LRP1: variants seen among roughly 807,000 people sequenced by gnomAD.
The protein encoded by LRP1 is LDL receptor related protein 1, also known as prolow-density lipoprotein receptor-related protein 1.
Under a neutral mutation model 541.5 loss-of-function variants are expected in LRP1, and 51 were observed. That is an observed-to-expected ratio of 0.09 (90% confidence interval 0.08 to 0.12). The LOEUF is 0.12. Ranked by LOEUF, LRP1 falls within the 10% of genes least tolerant of loss-of-function variation. The probability of loss-of-function intolerance (pLI) is 1.00; values close to 1 mark genes in which losing one functional copy is unlikely to be tolerated. For synonymous variants in LRP1, 2,219 were observed against 2,470.8 expected (o/e 0.90, Z 3.02); for missense variants, 3,878 against 6,376.2 (o/e 0.61, Z 13.34).
rs375922490 is a variant in LRP1, at chr12:57,197,211, G to A, written c.9076+46G>A. On this transcript the variant is annotated intron_variant, in intron 56 of 88. Transcript: ENST00000243077. This position sits in a 1 kb window ranked among gnomAD's most constrained non-coding sequence, Gnocchi z 4.5. ...GCATGAGGTGACCCAGGCTGTGTGGGACTGCCCGGGTGGCAGAGCTCCAGA... is the reference window on the plus strand; with the variant it reads ...GCATGAGGTGACCCAGGCTGTGTGGAACTGCCCGGGTGGCAGAGCTCCAGA... 11 of 1,613,022 alleles carry A rather than the reference G, an allele frequency of 6.8e-6. No individual in the cohort carries two copies. The highest frequency in any genetic ancestry group is 9.3e-6 in the Non-Finnish European group (11 of 1,179,210).
In LRP1 at chr12:57,178,240, T is replaced by A; in HGVS notation, c.4362-119T>A. On this transcript the variant is annotated intron_variant, in intron 26 of 88. Transcript: ENST00000243077. The surrounding 1 kb of genome is among the most constrained non-coding windows in gnomAD (Gnocchi z 5.8). ...GGCCAGCAAGGCTTAGGGGAGGGAA[T>A]GGTCCCATGCTCTTCGCTGGGAGGG... 8.4e-7 allele frequency: 1 copy of A among 1,193,818 alleles called. No individual in the cohort carries two copies. The highest frequency in any genetic ancestry group is 1.5e-5 in the South Asian group (1 of 68,018). The allele number at this position is 1,193,818 out of a possible 1,614,324, so 74.0% of individuals were successfully genotyped here. A position where few individuals can be genotyped will look rare whatever the true frequency, so the allele number is the denominator to read the frequency against.
At chr12:57,166,863 T>A (rs2035850353) in intron 17 of LRP1, 67 bp from the exon 18 acceptor site, 1 of 826,652 alleles carries the variant, frequency 1.2e-6, no homozygotes, top group Admixed American at 1.9e-5. Flanking sequence ...CAGAGAATAA[T>A]AGGGAAGAAG....
intron 42 of LRP1, among the ~76,000 whole-genome samples, chr12:57,187,939 T>C (rs534679664): frequency 2.6e-5 from 4 of 152,270 alleles, no homozygotes; most frequent in African/African-American, 9.6e-5. Flanking sequence ...AGGCAGTAGA[T>C]TGGCCCAGAG....
In LRP1 at chr12:57,193,640, G is replaced by A. The variant is rs140788492; in HGVS notation, c.7759G>A (p.Gly2587Arg). The A allele has an allele frequency of 2.0e-5, 32 of 1,614,156 alleles. No individual in the cohort carries two copies. Among genetic ancestry groups the A allele is most frequent in the African/African-American group, 9.3e-5 (7 of 75,044 alleles). ...RCVSNMLWCN[G>R]ADDCGDGSDE... The stretch of plus-strand genomic sequence containing the variant: ...TGTGTCCAACATGCTGTGGTGCAAC[G>A]GGGCCGACGACTGTGGGGATGGCTC... The change falls in exon 47 of 89, where the codon GGG becomes AGG. Residue 2587 changes from glycine (G) to arginine (R), a missense_variant. Physicochemically the swap from Gly to Arg is moderately radical, Grantham distance 125. Coordinates refer to ENST00000243077, the MANE Select transcript of LRP1 (RefSeq NM_002332.3).
Position 57,173,740 on chromosome 12 carries a change from G to A in LRP1, c.3347-40G>A, listed in dbSNP as rs1264559261. 5 of 1,607,000 alleles carry A rather than the reference G, an allele frequency of 3.1e-6. No individual in the cohort carries two copies. Among genetic ancestry groups the A allele is most frequent in the African/African-American group, 1.3e-5 (1 of 74,788 alleles). On this transcript the variant is annotated intron_variant, in intron 21 of 88. Transcript: ENST00000243077. The surrounding 1 kb of genome is among the most constrained non-coding windows in gnomAD (Gnocchi z 4.7). ...GGAAGGAAGGGCAGGGGGAGCCCCA[G>A]TCCCCGGGCCTGGGCCCTCATAGTG...
rs753321543 is a variant in LRP1 at position 57,203,461 on chromosome 12, C to T, written c.10891C>T (p.Arg3631Cys). ...KSGHCIPLRW[R>C]CDADADCMDG... ...CGGCCACTGCATCCCCCTGCGCTGG[C>T]GCTGTGACGCAGACGCCGACTGCAT... Residue 3631 changes from arginine to cysteine, a missense_variant, in exon 70 of 89, where the codon CGC becomes TGC. Transcript: ENST00000243077. 2 of 1,596,384 alleles carry T rather than the reference C, an allele frequency of 1.3e-6. No homozygotes were observed. The highest frequency in any genetic ancestry group is 1.3e-5 in the African/African-American group (1 of 74,644).
Position 57,212,717 on chromosome 12 carries a change from G to A in LRP1, c.*162G>A, listed in dbSNP as rs2036945723. 7 of 762,800 alleles carry A rather than the reference G, an allele frequency of 9.2e-6. No individual in the cohort carries two copies. The highest frequency in any genetic ancestry group is 3.8e-5 in the South Asian group (2 of 52,678). 47.3% of individuals were successfully genotyped at this position (762,800 alleles called of 1,614,324 possible). A position where few individuals can be genotyped will look rare whatever the true frequency, so the allele number is the denominator to read the frequency against. ...TATGTGAGCGAGCAAGCCGGCAAGC[G>A]AGCACAGTATTATTTCTCCATCCCC... On this transcript the variant is annotated 3_prime_UTR_variant, in exon 89 of 89. Coordinates refer to ENST00000243077, the MANE Select transcript of LRP1 (RefSeq NM_002332.3). This position sits in a 1 kb window ranked among gnomAD's most constrained non-coding sequence, Gnocchi z 5.0.
chr12:57,209,005 C>T (rs761379948), intron 78 of LRP1, 78 bp from the exon 79 acceptor site: 9 of 1,260,096 alleles, frequency 7.1e-6, no homozygotes, highest in South Asian at 3.7e-5. Context: ...GGAGCTGTCC[C>T]GGGCATGGAG....
chr12:57,180,583 C>A, intron 32 of LRP1, 84 bp from the exon 33 acceptor site: 1 of 1,607,412 alleles, frequency 6.2e-7, no homozygotes, highest in Non-Finnish European at 8.5e-7. Flanking sequence ...GTGGGGCGGG[C>A]CTGATGACTT....
intron 80 of LRP1, 61 bp from the exon 81 acceptor site, chr12:57,209,968 G>A (rs1830783917): frequency 1.3e-6 from 2 of 1,583,740 alleles, no homozygotes; most frequent in Admixed American, 3.4e-5. Context: ...GTCACCCTGG[G>A]CTCACAGGGC....
intron 3 of LRP1, 36 bp from the exon 4 acceptor site, chr12:57,143,643 G>T (rs1181296131): frequency 8.1e-6 from 13 of 1,595,246 alleles, no homozygotes; most frequent in African/African-American, 4.0e-5. Flanking sequence ...GCCAGATCTG[G>T]CGGCCTGAAT....
Position 57,179,749 on chromosome 12 carries a change from A to G in LRP1, c.4967-33A>G, listed in dbSNP as rs774590803. ...CCTCCTGACCCACTGCCCTGCAGAC[A>G]CCCAACAACTGACTCCCTACTTGTG... On this transcript the variant is annotated intron_variant, in intron 29 of 88. Coordinates refer to ENST00000243077, the MANE Select transcript of LRP1 (RefSeq NM_002332.3). The surrounding 1 kb of genome is among the most constrained non-coding windows in gnomAD (Gnocchi z 6.8). The G allele has an allele frequency of 3.6e-5, 58 of 1,604,376 alleles. No individual in the cohort carries two copies. Among genetic ancestry groups the G allele is most frequent in the Non-Finnish European group, 4.8e-5 (56 of 1,173,632 alleles).
rs376207975 is a variant in LRP1 at position 57,209,197 on chromosome 12, G to A, written c.12260G>A (p.Arg4087Gln). 9.9e-6 allele frequency: 16 copies of A among 1,612,982 alleles called. No homozygotes were observed. The African/African-American group carries it at 1.1e-4, about 11-fold the overall frequency. The change falls in exon 79 of 89, where the codon CGA becomes CAA. Residue 4087 changes from arginine to glutamine, a missense_variant and splice_region_variant. Physicochemically the swap from Arg to Gln is conservative, Grantham distance 43. Around this residue, in one of 13 missense-constraint regions of LRP1, gnomAD observed 871 missense variants for 1,212.4 expected, o/e 0.72. Coordinates refer to ENST00000243077, the MANE Select transcript of LRP1 (RefSeq NM_002332.3). ...CCCATTGTGGCTGCTGACAGCAAAC[G>A]AGGTCAGAGCCCGGCATAAGTCGCA... ...TDPIVAADSK[R>Q]GLSHPFSIDV...
At chr12:57,169,924 T>G (rs1389071937) in intron 20 of LRP1, among the ~76,000 whole-genome samples, 2 of 152,200 alleles carry the variant, frequency 1.3e-5, no homozygotes, top group African/African-American at 4.8e-5. Context: ...TGTGCAGATT[T>G]TTATGTGAAA....
Position 57,212,602 on chromosome 12 carries a change from C to T in LRP1, c.*47C>T, listed in dbSNP as rs763864940. On this transcript the variant is annotated 3_prime_UTR_variant, in exon 89 of 89. Coordinates refer to ENST00000243077, the MANE Select transcript of LRP1 (RefSeq NM_002332.3). The surrounding 1 kb of genome is among the most constrained non-coding windows in gnomAD (Gnocchi z 5.0). ...CCCCAGAAAGCCTCCTGCCCCCTGC[C>T]AGTGAAGTCCTTCAGTGAGCCCCTC... is the stretch of plus-strand genomic sequence containing the variant. 76 of 1,531,578 alleles carry T rather than the reference C, an allele frequency of 5.0e-5. No homozygotes were observed. Among genetic ancestry groups the T allele is most frequent in the Middle Eastern group, 1.9e-4 (1 of 5,386 alleles). The allele number at this position is 1,531,578 out of a possible 1,614,324, so 94.9% of individuals were successfully genotyped here.
chr12:57,163,126 A>T, intron 15 of LRP1, 143 bp downstream of exon 15: 9 of 1,188,244 alleles, frequency 7.6e-6, no homozygotes, highest in Non-Finnish European at 9.1e-6. Context: ...GAAGCAAGGG[A>T]GGGGGAGAGC....
Position 57,185,773 on chromosome 12 carries a change from G to A in LRP1, c.6706G>A (p.Val2236Ile), listed in dbSNP as rs1565740410. ...PFEDPEHMKNVIALAFDYRAG... is the reference protein window; with the variant it reads ...PFEDPEHMKNIIALAFDYRAG... ...CGAGGACCCTGAGCACATGAAGAAC[G>A]TCATCGCCCTGGCCTTTGACTACCG... Residue 2236 changes from valine to isoleucine, a missense_variant, in exon 41 of 89, where the codon GTC becomes ATC. Physicochemically the swap from Val to Ile is conservative, Grantham distance 29 (BLOSUM62 3). Around this residue, in one of 13 missense-constraint regions of LRP1, gnomAD observed 1,100 missense variants for 1,827.4 expected, o/e 0.60. Coordinates refer to ENST00000243077, the MANE Select transcript of LRP1 (RefSeq NM_002332.3). This position sits in a 1 kb window ranked among gnomAD's most constrained non-coding sequence, Gnocchi z 4.9. The A allele has an allele frequency of 1.2e-6, 2 of 1,614,198 alleles. No individual in the cohort carries two copies. The highest frequency in any genetic ancestry group is 1.1e-5 in the South Asian group (1 of 91,086).
Position 57,195,281 on chromosome 12 carries a change from G to T in LRP1, c.8319G>T (p.Thr2773=). 1 of 1,613,924 alleles carries T rather than the reference G, an allele frequency of 6.2e-7. No individual in the cohort carries two copies. Among genetic ancestry groups the T allele is most frequent in the East Asian group, 2.2e-5 (1 of 44,888 alleles). The change falls in exon 52 of 89, where the codon ACG becomes ACT. Residue 2773 remains threonine (T), a synonymous_variant. Transcript: ENST00000243077. ...TCTCTCCCCCTACAGAAGGCAAGAC[G>T]TGCGGCCCCTCCTCCTTCTCCTGCC... ...SDEAAHCEGK[T]CGPSSFSCPG...
chr12:57,205,638 C>T lies in LRP1; in HGVS notation c.11551C>T (p.Arg3851Trp), dbSNP rs375922181. 2.9e-5 allele frequency: 47 copies of T among 1,613,132 alleles called. No individual in the cohort carries two copies. The highest frequency in any genetic ancestry group is 2.5e-4 in the African/African-American group (19 of 74,940). Residue 3851 changes from arginine (R) to tryptophan (W), a missense_variant, in exon 75 of 89, where the codon CGG (arginine) becomes TGG (tryptophan). Arg to Trp is a moderately radical substitution (Grantham distance 101). Transcript: ENST00000243077. This position sits in a 1 kb window ranked among gnomAD's most constrained non-coding sequence, Gnocchi z 4.6. ...TKGGHLCSCA[R>W]NFMKTHNTCK... The stretch of plus-strand genomic sequence containing the variant: ...GGGCGGCCACCTCTGCAGCTGCGCT[C>T]GGAACTTCATGAAGACGCACAACAC...
Sources: gnomAD v4.1 joint callset for allele counts (sites outside exome capture counted in the v4.1 genomes callset) on GRCh38, gnomAD v4.1.1 for gene constraint, gnomAD v4.1.1 regional missense constraint, Gnocchi (gnomAD v3.1) non-coding constraint, MANE v1.5 for transcripts, NCBI Gene and HGNC (gene_info 2026-07-23, HGNC 2026-07-21) for gene names.